TNIK: variants seen among roughly 807,000 people sequenced by gnomAD.
The protein encoded by TNIK is TRAF2 and NCK interacting kinase, also known as TRAF2 and NCK-interacting protein kinase.
A neutral mutation model predicts 191.3 loss-of-function variants in TNIK; 49 were observed. The observed-to-expected ratio is 0.26, with a 90% CI of 0.20 to 0.32. The LOEUF is 0.32. Among genes scored for constraint, TNIK ranks in the 10% least tolerant of loss-of-function variants. The pLI, the probability that TNIK is intolerant of heterozygous loss-of-function variation, is 1.00. For synonymous variants in TNIK, 594 were observed against 600.9 expected (o/e 0.99, Z 0.17); for missense variants, 1,155 against 1,702.3 (o/e 0.68, Z 5.66).
At chr3:171,190,638 C>T (rs1737939781) in intron 6 of TNIK, 59 bp downstream of exon 6, 1 of 1,286,480 alleles carries the variant, frequency 7.8e-7, no homozygotes, top group East Asian at 2.5e-5. Context: ...TTTTTTAGAG[C>T]TGTTAATATA....
intron 18 of TNIK, among the ~76,000 whole-genome samples, chr3:171,113,064 T>C (rs1726094423): frequency 6.6e-6 from 1 of 152,224 alleles, no homozygotes; most frequent in South Asian, 2.1e-4. Flanking sequence ...TTTCACTCCA[T>C]ACAAGGTTTT....
chr3:171,070,262 G>T (rs901818900), intron 29 of TNIK, among the ~76,000 whole-genome samples: 3 of 152,188 alleles, frequency 2.0e-5, no homozygotes, highest in African/African-American at 7.2e-5. Flanking sequence ...GAAGCCATCT[G>T]CCCTAAGGGA....
chr3:171,185,951 G>A (rs981195228), intron 7 of TNIK, among the ~76,000 whole-genome samples: 1 of 152,072 alleles, frequency 6.6e-6, no homozygotes, highest in African/African-American at 2.4e-5. Context: ...TAGCACATGA[G>A]GGCCCAAAGT....
chr3:171,246,337 A>G (rs1745590106), intron 2 of TNIK, among the ~76,000 whole-genome samples: 2 of 152,188 alleles, frequency 1.3e-5, no homozygotes, highest in South Asian at 4.1e-4. Flanking sequence ...AACAGATTCT[A>G]ATCACCTCAG....
intron 2 of TNIK, among the ~76,000 whole-genome samples, chr3:171,368,698 T>A (rs922692846): frequency 2.0e-5 from 3 of 152,152 alleles, no homozygotes; most frequent in Non-Finnish European, 4.4e-5. Context: ...ACCTGAATGA[T>A]TTCTATAATA....
chr3:171,440,984 C>T (rs564511241), intron 1 of TNIK, among the ~76,000 whole-genome samples: 8 of 152,202 alleles, frequency 5.3e-5, no homozygotes, highest in Non-Finnish European at 8.8e-5. Flanking sequence ...AAATGATTAT[C>T]GTTATGTTTG....
intron 2 of TNIK, among the ~76,000 whole-genome samples, chr3:171,309,575 A>T (rs1162939525): frequency 6.6e-6 from 1 of 152,182 alleles, no homozygotes; most frequent in East Asian, 1.9e-4. Context: ...AAAATGCTTC[A>T]TTATATTTAA....
intron 2 of TNIK, among the ~76,000 whole-genome samples, chr3:171,278,466 A>T (rs1247526530): frequency 6.6e-6 from 1 of 152,222 alleles, no homozygotes; most frequent in Non-Finnish European, 1.5e-5. Flanking sequence ...TATCCTATAG[A>T]TACTTATTTT....
intron 2 of TNIK, among the ~76,000 whole-genome samples, chr3:171,257,468 C>G (rs1747025398): frequency 6.6e-6 from 1 of 152,064 alleles, no homozygotes; most frequent in African/African-American, 2.4e-5. Flanking sequence ...TTGTGAAATA[C>G]AAAGCAGATG....
At chr3:171,177,241 A>T in intron 8 of TNIK, 85 bp downstream of exon 8, 2 of 1,446,840 alleles carry the variant, frequency 1.4e-6, no homozygotes, top group South Asian at 1.3e-5. Flanking sequence ...TAGTGGAAGT[A>T]AAGCAACTGC....
At chr3:171,149,623 C>T (rs1732161933) in intron 12 of TNIK, among the ~76,000 whole-genome samples, 1 of 152,174 alleles carries the variant, frequency 6.6e-6, no homozygotes, top group African/African-American at 2.4e-5. Flanking sequence ...TATATCCATG[C>T]AGATGACACG....
intron 2 of TNIK, among the ~76,000 whole-genome samples, chr3:171,231,584 T>A (rs921659896): frequency 6.6e-6 from 1 of 152,072 alleles, no homozygotes; most frequent in African/African-American, 2.4e-5. Flanking sequence ...GCTGTCACAT[T>A]TTGCTGATCA....
At chr3:171,306,513 C>T (rs1294015349) in intron 2 of TNIK, among the ~76,000 whole-genome samples, 1 of 152,158 alleles carries the variant, frequency 6.6e-6, no homozygotes, top group Non-Finnish European at 1.5e-5. Flanking sequence ...TAGATGCCAG[C>T]TGCGCTTCTC....
intron 1 of TNIK, among the ~76,000 whole-genome samples, chr3:171,433,464 A>T (rs1725618817): frequency 6.6e-6 from 1 of 152,236 alleles, no homozygotes; most frequent in Non-Finnish European, 1.5e-5. Context: ...TGTAATTCTT[A>T]GGAAAAGTCA....
chr3:171,343,621 C>T (rs1172632507), intron 2 of TNIK, among the ~76,000 whole-genome samples: 3 of 152,192 alleles, frequency 2.0e-5, no homozygotes, highest in African/African-American at 4.8e-5. Flanking sequence ...CTGGAGTCAA[C>T]CTCTAGGTGA....
At chr3:171,339,703 C>T (rs1757321234) in intron 2 of TNIK, among the ~76,000 whole-genome samples, 1 of 152,212 alleles carries the variant, frequency 6.6e-6, no homozygotes, top group African/African-American at 2.4e-5. Flanking sequence ...GACATCTAAG[C>T]AGACTTCTTG....
At chr3:171,355,280 T>A (rs1713864380) in intron 2 of TNIK, among the ~76,000 whole-genome samples, 1 of 152,102 alleles carries the variant, frequency 6.6e-6, no homozygotes, top group South Asian at 2.1e-4. Flanking sequence ...GGCATATTCA[T>A]ATGGAGCAGG....
At chr3:171,444,384 A>G (rs1162492050) in intron 1 of TNIK, among the ~76,000 whole-genome samples, 1 of 152,146 alleles carries the variant, frequency 6.6e-6, no homozygotes, top group African/African-American at 2.4e-5. Flanking sequence ...TTAGGCTTCT[A>G]ACAGAAGTAG....
At chr3:171,229,131 A>G (rs967533735) in intron 2 of TNIK, among the ~76,000 whole-genome samples, 6 of 152,198 alleles carry the variant, frequency 3.9e-5, no homozygotes, top group Non-Finnish European at 8.8e-5. Flanking sequence ...AAAAACTGAA[A>G]TAATAATAAT....
Sources: allele counts gnomAD v4.1 joint callset (sites outside exome capture counted in the v4.1 genomes callset), GRCh38; gene constraint gnomAD v4.1.1; transcripts MANE v1.5; gene names NCBI Gene and HGNC (gene_info 2026-07-23, HGNC 2026-07-21).